The following VAV2 variants were observed in gnomAD, a reference collection of about 807,000 sequenced individuals.
VAV2 encodes the protein vav guanine nucleotide exchange factor 2.
Under a neutral mutation model 132.5 loss-of-function variants are expected in VAV2, and 67 were observed. The ratio of observed to expected loss-of-function variants is 0.51; its 90% CI spans 0.42 to 0.62. VAV2 has a LOEUF of 0.62. Ranked by LOEUF, VAV2 falls within the 20% of genes least tolerant of loss-of-function variation. The probability of loss-of-function intolerance (pLI) is 0.00; values close to 1 mark genes in which losing one functional copy is unlikely to be tolerated. For synonymous variants in VAV2, 492 were observed against 443.5 expected, an observed-to-expected ratio of 1.11 and a Z score of -1.37; for missense variants, 938 against 1,153.6, an observed-to-expected ratio of 0.81 and a Z score of 2.71.
At position 133,783,538 on chromosome 9, in the gene VAV2, T is replaced by C; in HGVS notation, c.1688A>G (p.Lys563Arg). ...GGGAGGTATCACTTCCAGGCACTCC[T>C]TGTGTGCCCCGACGCCACACTTGGT... ...MCTKCGVGAH[K>R]ECLEVIPPCK... Residue 563 changes from lysine to arginine, a missense_variant, in exon 19 of 30, where the codon AAG becomes AGG. Lys to Arg is a conservative substitution (Grantham distance 26, BLOSUM62 2). Transcript: ENST00000371850. 3.1e-6 allele frequency: 5 copies of C among 1,613,908 alleles called. No homozygotes were observed. The highest frequency in any genetic ancestry group is 4.2e-6 in the Non-Finnish European group (5 of 1,179,940).
chr9:133,871,063 G>T (rs994295369), intron 2 of VAV2, among the ~76,000 whole-genome samples: 6 of 149,446 alleles, frequency 4.0e-5, no homozygotes, highest in Non-Finnish European at 7.4e-5. Context: ...TGAGTGGGTG[G>T]GTGAATGGGT....
At chr9:133,854,281 GCA>G (rs932990277) in intron 3 of VAV2, among the ~76,000 whole-genome samples, 15 of 126,832 alleles carry the variant, frequency 1.2e-4, no homozygotes, top group South Asian at 7.2e-4. Context: ...ATACCCATAT[GCA>G]CACACACACA....
At chr9:133,939,039 C>A in intron 2 of VAV2, 64 bp downstream of exon 2, 3 of 1,493,476 alleles carry the variant, frequency 2.0e-6, no homozygotes, top group South Asian at 2.3e-5. Context: ...GGCCCACCTG[C>A]CGCTGAGCCG....
chr9:133,848,200 A>C (rs1420326635), intron 3 of VAV2, among the ~76,000 whole-genome samples: 2 of 149,602 alleles, frequency 1.3e-5, no homozygotes, highest in East Asian at 4.0e-4. Flanking sequence ...GAATGGCGTG[A>C]ACCCAGGAGG....
At chr9:133,905,074 C>T (rs1006380021) in intron 2 of VAV2, among the ~76,000 whole-genome samples, 6 of 152,150 alleles carry the variant, frequency 3.9e-5, no homozygotes, top group African/African-American at 1.2e-4. Flanking sequence ...GGGCTCTGAG[C>T]AGCTGCCCTG....
intron 12 of VAV2, among the ~76,000 whole-genome samples, chr9:133,792,156 AC>A (rs1834503157): frequency 1.2e-5 from 1 of 81,230 alleles, no homozygotes; most frequent in African/African-American, 5.0e-5. Context: ...GGTGTGTGTG[AC>A]TGTGTGTGTG....
In VAV2 at chr9:133,814,574, G is replaced by A. The variant is rs1034426356; in HGVS notation, c.450-2358C>T. ...CCAACAGGCCAGGTGGAAGGAGGGG[G>A]GTTGGCCGTTAAATGCTGCAAGAGC... On this transcript the variant is annotated intron_variant, in intron 4 of 29. Transcript: ENST00000371850. Among the ~76,000 whole-genome samples, 4 of 152,356 alleles carry A rather than the reference G, an allele frequency of 2.6e-5. No individual in the cohort carries two copies. The South Asian group carries it at 8.3e-4, about 32-fold the overall frequency.
chr9:133,848,456 T>C (rs1029926713), intron 3 of VAV2, among the ~76,000 whole-genome samples: 1 of 152,222 alleles, frequency 6.6e-6, no homozygotes, highest in Non-Finnish European at 1.5e-5. Flanking sequence ...TTTCTTGTTC[T>C]TGGGTTGACT....
In VAV2 at chr9:133,991,517, G is replaced by T. The variant is rs1330778934; in HGVS notation, c.204+558C>A. 6.6e-6 allele frequency among the ~76,000 whole-genome samples: 1 copy of T among 151,814 alleles called. No homozygotes were observed. Among genetic ancestry groups the T allele is most frequent in the Non-Finnish European group, 1.5e-5 (1 of 67,874 alleles). The stretch of plus-strand genomic sequence containing the variant: ...CTGGCGCCAAGTGGCCCGGGTCCGG[G>T]TCCGGGAAGAGGCGGAGGCCGGCGA... On this transcript the variant is annotated intron_variant, in intron 1 of 29. Coordinates refer to ENST00000371850, the MANE Select transcript of VAV2 (RefSeq NM_001134398.2). The surrounding 1 kb of genome is among the most constrained non-coding windows in gnomAD (Gnocchi z 4.8).
At chr9:133,871,769 C>T (rs1047970529) in intron 2 of VAV2, among the ~76,000 whole-genome samples, 3 of 152,174 alleles carry the variant, frequency 2.0e-5, no homozygotes, top group Admixed American at 6.5e-5. Flanking sequence ...TAACATGACT[C>T]GACCAAGGTC....
chr9:133,858,142 C>CCTCCGGATA (rs1837455006), intron 3 of VAV2, among the ~76,000 whole-genome samples: 1 of 152,234 alleles, frequency 6.6e-6, no homozygotes, highest in Non-Finnish European at 1.5e-5. Context: ...TAGTGTCTGC[C>CCTCCGGATA]AGATAGGCCC....
intron 2 of VAV2, among the ~76,000 whole-genome samples, chr9:133,908,484 C>T (rs1255424393): frequency 6.6e-6 from 1 of 152,040 alleles, no homozygotes; most frequent in Admixed American, 6.5e-5. Context: ...CTGATGCCCC[C>T]AAGCCAGACA....
At chr9:133,801,615 C>T (rs986704503) in intron 9 of VAV2, among the ~76,000 whole-genome samples, 2 of 152,198 alleles carry the variant, frequency 1.3e-5, no homozygotes, top group Non-Finnish European at 2.9e-5. Context: ...GAGAGGGCCT[C>T]GGACCAGAAC....
intron 29 of VAV2, among the ~76,000 whole-genome samples, chr9:133,765,146 C>G (rs1346791942): frequency 6.6e-6 from 1 of 152,090 alleles, no homozygotes; most frequent in East Asian, 1.9e-4. Context: ...GTCAAAAAAT[C>G]ACTATTTTTC....
chr9:133,907,917 C>A (rs1839727453), intron 2 of VAV2, among the ~76,000 whole-genome samples: 1 of 141,290 alleles, frequency 7.1e-6, no homozygotes, highest in African/African-American at 2.6e-5. Flanking sequence ...GGCACCCCTC[C>A]CACCATGCCC....
rs888943365 is a variant in VAV2, at chr9:133,806,724, C to A, written c.735+534G>T. Among the ~76,000 whole-genome samples the A allele has an allele frequency of 2.0e-5, 3 of 152,228 alleles. No homozygotes were observed. In the East Asian group the frequency reaches 5.8e-4, roughly 29 times the overall value. On this transcript the variant is annotated intron_variant, in intron 8 of 29. Coordinates refer to ENST00000371850, the MANE Select transcript of VAV2 (RefSeq NM_001134398.2). ...ATGAGACGGCCAGGGAGGCAGGACA[C>A]AGCCACCGCACGGGCTGCTGGCACC...
At chr9:133,924,759 G>C (rs1020608775) in intron 2 of VAV2, among the ~76,000 whole-genome samples, 3 of 152,240 alleles carry the variant, frequency 2.0e-5, no homozygotes, top group African/African-American at 7.2e-5. Flanking sequence ...CTATGGGCCA[G>C]AGGGCTCAGG....
chr9:133,798,165 C>A (rs1170088712), intron 9 of VAV2, among the ~76,000 whole-genome samples: 1 of 152,146 alleles, frequency 6.6e-6, no homozygotes, highest in Non-Finnish European at 1.5e-5. Flanking sequence ...TGACATCCCC[C>A]CAGGAAAGAA....
chr9:133,820,018 T>C (rs78549875), intron 4 of VAV2, among the ~76,000 whole-genome samples: 5,090 of 152,336 alleles, frequency 0.033, 174 homozygotes, highest in African/African-American at 0.095. Context: ...GTATTTCTCC[T>C]ATGACCGATT....
Sources: gnomAD v4.1 joint callset for allele counts (sites outside exome capture counted in the v4.1 genomes callset) on GRCh38, gnomAD v4.1.1 for gene constraint, Gnocchi (gnomAD v3.1) non-coding constraint, MANE v1.5 for transcripts, NCBI Gene and HGNC (gene_info 2026-07-23, HGNC 2026-07-21) for gene names.